The following ADAM12 variants were observed in gnomAD, a reference collection of about 807,000 sequenced individuals.
ADAM12 encodes the protein ADAM metallopeptidase domain 12.
Under a neutral mutation model 106.4 loss-of-function variants are expected in ADAM12, and 70 were observed. That is an observed-to-expected ratio of 0.66 (90% CI 0.54 to 0.80). ADAM12 has a LOEUF of 0.80. Among genes scored for constraint, ADAM12 ranks in the 30% least tolerant of loss-of-function variants. ADAM12 has a pLI of 0.00. For missense variants in ADAM12, 1,010 were observed against 1,171.9 expected, an observed-to-expected ratio of 0.86 and a Z score of 2.02; for synonymous variants, 420 against 433.5, an observed-to-expected ratio of 0.97 and a Z score of 0.39.
intron 1 of ADAM12, among the ~76,000 whole-genome samples, chr10:126,375,014 C>T (rs1414086339): frequency 6.6e-6 from 1 of 152,132 alleles, no homozygotes; most frequent in Non-Finnish European, 1.5e-5. Context: ...AAATGAAAGA[C>T]TCCTTAACAA....
At chr10:126,133,828 T>G in intron 5 of ADAM12, among the ~76,000 whole-genome samples, 1 of 152,242 alleles carries the variant, frequency 6.6e-6, no homozygotes, top group East Asian at 1.9e-4. Context: ...TCAGGAGCTT[T>G]GCACATGCTC....
At chr10:126,041,208 G>A in intron 18 of ADAM12, 1 of 400,118 alleles carries the variant, frequency 2.5e-6, no homozygotes, top group Non-Finnish European at 3.4e-6. Context: ...ACCCAGGAGA[G>A]TGGCTGGTGT....
intron 3 of ADAM12, among the ~76,000 whole-genome samples, chr10:126,161,864 C>A (rs115732344): frequency 1.3e-5 from 2 of 152,120 alleles, no homozygotes; most frequent in Non-Finnish European, 2.9e-5. Context: ...GACTATCTTA[C>A]GTCAGCAAAT....
chr10:126,223,682 C>T (rs115583555), intron 3 of ADAM12, among the ~76,000 whole-genome samples: 380 of 152,210 alleles, frequency 2.5e-3, no homozygotes, highest in African/African-American at 8.6e-3. Flanking sequence ...GGACGTGGGC[C>T]GATGCCAGGC....
rs1206674331 is a variant in ADAM12 at position 126,013,182 on chromosome 10, C to G, written c.*4097G>C. 1 of 152,136 alleles carries G rather than the reference C, an allele frequency of 6.6e-6. No homozygotes were observed. The highest frequency in any genetic ancestry group is 1.5e-5 in the Non-Finnish European group (1 of 68,010). The allele number at this position is 152,136 out of a possible 1,614,324, so 9.4% of individuals were successfully genotyped here. A position where few individuals can be genotyped will look rare whatever the true frequency, so the allele number is the denominator to read the frequency against. ...ATGGCTGTACTAGAAGCTGCCATTA[C>G]TGTTCCAAAAAGTAAAGGGGATTTT... On this transcript the variant is annotated 3_prime_UTR_variant, in exon 23 of 23. Transcript: ENST00000448723. This position sits in a 1 kb window ranked among gnomAD's most constrained non-coding sequence, Gnocchi z 4.3.
chr10:126,204,659 T>C (rs572791246), intron 3 of ADAM12, among the ~76,000 whole-genome samples: 1 of 152,330 alleles, frequency 6.6e-6, no homozygotes, highest in African/African-American at 2.4e-5. Context: ...TTGTTAAGAA[T>C]TTAAAGACGG....
In ADAM12 at chr10:126,017,260, G is replaced by GA. The variant is rs1351591058; in HGVS notation, c.*18dup. 4 of 1,580,096 alleles carry GA rather than the reference G, an allele frequency of 2.5e-6. No individual in the cohort carries two copies. The African/African-American group carries it at 4.0e-5, about 16-fold the overall frequency. ...AGTGCAAACTTCTGTCTTCACTGTT[G>GA]AAAAAAGGTGTCGGCTTCTCACTTA... On this transcript the variant is annotated 3_prime_UTR_variant, in exon 23 of 23. Coordinates refer to ENST00000448723, the MANE Select transcript of ADAM12 (RefSeq NM_001288973.2).
At chr10:126,361,391 T>C (rs950618553) in intron 1 of ADAM12, among the ~76,000 whole-genome samples, 1 of 152,066 alleles carries the variant, frequency 6.6e-6, no homozygotes, top group Admixed American at 6.5e-5. Flanking sequence ...ATGCAATCTC[T>C]ATCAAAAGTC....
At chr10:126,172,457 A>G (rs1416969961) in intron 3 of ADAM12, among the ~76,000 whole-genome samples, 4 of 152,230 alleles carry the variant, frequency 2.6e-5, no homozygotes, top group Non-Finnish European at 4.4e-5. Context: ...ATATGAACAG[A>G]TATTTCTCAA....
chr10:126,237,423 C>G (rs1218248226), intron 3 of ADAM12, among the ~76,000 whole-genome samples: 1 of 152,176 alleles, frequency 6.6e-6, no homozygotes, highest in Non-Finnish European at 1.5e-5. Flanking sequence ...TAACTTGGGG[C>G]CGACCTCATT....
intron 16 of ADAM12, 87 bp from the exon 17 acceptor site, chr10:126,046,219 A>G (rs1954314749): frequency 2.4e-6 from 3 of 1,236,108 alleles, no homozygotes; most frequent in Middle Eastern, 1.9e-4. Context: ...AACAAAAAGC[A>G]AGCAAAAGAA....
intron 10 of ADAM12, among the ~76,000 whole-genome samples, chr10:126,096,286 T>C (rs1267735783): frequency 6.6e-6 from 1 of 152,254 alleles, no homozygotes; most frequent in Non-Finnish European, 1.5e-5. Flanking sequence ...TCTTGGTTTT[T>C]AGTTGCCAGA....
rs567625620 is a variant in ADAM12 at position 126,016,896 on chromosome 10, G to A, written c.*383C>T. 1 of 162,530 alleles carries A rather than the reference G, an allele frequency of 6.2e-6. No homozygotes were observed. The highest frequency in any genetic ancestry group is 2.4e-5 in the African/African-American group (1 of 41,798). 10.1% of individuals were successfully genotyped at this position (162,530 alleles called of 1,614,324 possible). A position where few individuals can be genotyped will look rare whatever the true frequency, so the allele number is the denominator to read the frequency against. ...ATAAGCACAGCTGGGGGTAGTTGGG[G>A]GACTGCTTTCCAATAAGGCCTTGAT... On this transcript the variant is annotated 3_prime_UTR_variant, in exon 23 of 23. Transcript: ENST00000448723.
intron 2 of ADAM12, among the ~76,000 whole-genome samples, chr10:126,308,244 A>G (rs1240281658): frequency 2.6e-5 from 4 of 152,042 alleles, no homozygotes; most frequent in African/African-American, 9.7e-5. Flanking sequence ...TTATCTTTGC[A>G]AACTAGAAGC....
intron 1 of ADAM12, among the ~76,000 whole-genome samples, chr10:126,349,150 T>C (rs1365985419): frequency 6.6e-6 from 1 of 152,208 alleles, no homozygotes; most frequent in Non-Finnish European, 1.5e-5. Context: ...CCTAGTGACA[T>C]ATTTGAGGGG....
chr10:126,268,408 C>A (rs1959143240), intron 3 of ADAM12, among the ~76,000 whole-genome samples: 1 of 152,130 alleles, frequency 6.6e-6, no homozygotes. Flanking sequence ...CACCTTTTGG[C>A]CATTGTGAAT....
chr10:126,174,008 ATTTTTTT>A (rs200354475), intron 3 of ADAM12, among the ~76,000 whole-genome samples: 10 of 90,468 alleles, frequency 1.1e-4, no homozygotes, highest in South Asian at 6.5e-4. Context: ...TCTGTTGTTG[ATTTTTTT>A]TTTTTTTTTT....
chr10:126,116,376 T>C (rs368534175), intron 6 of ADAM12, among the ~76,000 whole-genome samples: 1 of 152,150 alleles, frequency 6.6e-6, no homozygotes, highest in South Asian at 2.1e-4. Context: ...TCTCCAAGGT[T>C]TGGAATCAAA....
intron 1 of ADAM12, among the ~76,000 whole-genome samples, chr10:126,373,367 G>C (rs1856176799): frequency 6.6e-6 from 1 of 152,300 alleles, no homozygotes; most frequent in East Asian, 1.9e-4. Context: ...CCAAAGCTCA[G>C]CTTGGCCCCA....
Sources: gnomAD v4.1 joint callset for allele counts (sites outside exome capture counted in the v4.1 genomes callset) on GRCh38, gnomAD v4.1.1 for gene constraint, Gnocchi (gnomAD v3.1) non-coding constraint, MANE v1.5 for transcripts, NCBI Gene and HGNC (gene_info 2026-07-23, HGNC 2026-07-21) for gene names.